Variants in BBX observed in about 807,000 individuals in gnomAD.
The protein encoded by BBX is HMG box transcription factor BBX.
In BBX, 30 loss-of-function variants were observed where a neutral mutation model predicts 100.2. The ratio of observed to expected loss-of-function variants is 0.30; its 90% CI spans 0.22 to 0.41. The LOEUF (loss-of-function observed/expected upper bound fraction) is 0.41, where lower values mean the gene tolerates loss of function less well. BBX is among the 10% of genes least tolerant of loss of function. The pLI is 1.00. For synonymous variants in BBX, 376 were observed against 388.1 expected, an observed-to-expected ratio of 0.97 and a Z score of 0.37; for missense variants, 1,023 against 1,129.8, an observed-to-expected ratio of 0.91 and a Z score of 1.35.
At chr3:107,593,653 T>A (rs2053487249) in intron 2 of BBX, among the ~76,000 whole-genome samples, 1 of 152,272 alleles carries the variant, frequency 6.6e-6, no homozygotes. Context: ...AGTCATCTGC[T>A]CTCTAAGTGG....
chr3:107,690,890 C>CG (rs2060121337), intron 3 of BBX, among the ~76,000 whole-genome samples: 15 of 80,972 alleles, frequency 1.9e-4, no homozygotes, highest in Non-Finnish European at 3.0e-4. Flanking sequence ...ATGCCCCCCC[C>CG]CCTTTTTTTT....
chr3:107,696,580 T>C (rs946498519), intron 3 of BBX, among the ~76,000 whole-genome samples: 3 of 151,928 alleles, frequency 2.0e-5, no homozygotes, highest in Non-Finnish European at 2.9e-5. Flanking sequence ...GTTAGTCTGA[T>C]AGGCTTCCCT....
chr3:107,743,340 G>A (rs1214605971), intron 7 of BBX, among the ~76,000 whole-genome samples: 1 of 152,002 alleles, frequency 6.6e-6, no homozygotes, highest in Non-Finnish European at 1.5e-5. Flanking sequence ...AATTTTTTGT[G>A]GCTACGAATT....
intron 3 of BBX, among the ~76,000 whole-genome samples, chr3:107,684,143 G>T (rs1019750699): frequency 2.6e-5 from 4 of 152,082 alleles, no homozygotes; most frequent in Non-Finnish European, 4.4e-5. Context: ...ACCTATTGCA[G>T]GTAAGAAACT....
chr3:107,798,521 A>G lies in BBX; in HGVS notation c.2354-2A>G. 1 of 1,613,092 alleles carries G rather than the reference A, an allele frequency of 6.2e-7. No homozygotes were observed. The highest frequency in any genetic ancestry group is 8.5e-7 in the Non-Finnish European group (1 of 1,179,138). On this transcript the variant is annotated splice_acceptor_variant, in intron 15 of 17. Coordinates refer to ENST00000325805, the MANE Select transcript of BBX (RefSeq NM_001142568.3). LOFTEE classifies it high-confidence loss of function. ...AACTATGCATGGTATTTCCTATTTC[A>G]GCCATATTTTCAGAAGACAGAAACA...
Position 107,791,280 on chromosome 3 carries a change from T to G in BBX, c.2334T>G (p.Asp778Glu), listed in dbSNP as rs746022455. 1.9e-6 allele frequency: 3 copies of G among 1,613,298 alleles called. No individual in the cohort carries two copies. Among genetic ancestry groups the G allele is most frequent in the Non-Finnish European group, 2.5e-6 (3 of 1,179,534 alleles). The change falls in exon 15 of 18, where the codon GAT becomes GAG. Residue 778 changes from aspartate (D) to glutamate (E), a missense_variant. Physicochemically the swap from Asp to Glu is conservative, Grantham distance 45 (BLOSUM62 2). Coordinates refer to ENST00000325805, the MANE Select transcript of BBX (RefSeq NM_001142568.3). ...GGTCAAACAAGCAACTCTTCTTGGATGCCATTCACCCTACAGAAGGTAAGA... is the reference window on the plus strand; with the variant it reads ...GGTCAAACAAGCAACTCTTCTTGGAGGCCATTCACCCTACAGAAGGTAAGA... Reference protein sequence around the residue: ...DKWSNKQLFLDAIHPTEAIFS... With the variant: ...DKWSNKQLFLEAIHPTEAIFS...
intron 2 of BBX, among the ~76,000 whole-genome samples, chr3:107,635,807 G>A (rs1358739662): frequency 6.6e-6 from 1 of 151,664 alleles, no homozygotes; most frequent in Admixed American, 6.6e-5. Flanking sequence ...CCGCCTCCTG[G>A]TTCAAGCGAT....
chr3:107,754,322 G>A (rs1191870091), intron 9 of BBX, among the ~76,000 whole-genome samples: 1 of 152,160 alleles, frequency 6.6e-6, no homozygotes, highest in African/African-American at 2.4e-5. Flanking sequence ...AAAGGTAGAA[G>A]TAGCATTTAT....
intron 2 of BBX, among the ~76,000 whole-genome samples, chr3:107,546,574 T>C (rs1219068720): frequency 6.6e-6 from 1 of 152,190 alleles, no homozygotes; most frequent in African/African-American, 2.4e-5. Flanking sequence ...CAGAAACATG[T>C]AGCCTGTCGT....
At position 107,715,356 on chromosome 3, in the gene BBX, A is replaced by G. The variant is rs139744601; in HGVS notation, c.163-1251A>G. On this transcript the variant is annotated intron_variant, in intron 4 of 17. Coordinates refer to ENST00000325805, the MANE Select transcript of BBX (RefSeq NM_001142568.3). ...ACAGAACCTCCAGGGATTCCAATGC[A>G]TACTCAAGTTTAAGAATTAACCACT... is the stretch of plus-strand genomic sequence containing the variant. Among the ~76,000 whole-genome samples, 12 of 152,328 alleles carry G rather than the reference A, an allele frequency of 7.9e-5. No individual in the cohort carries two copies. In the East Asian group the frequency reaches 2.3e-3, roughly 29 times the overall value.
intron 2 of BBX, among the ~76,000 whole-genome samples, chr3:107,617,096 T>C (rs1336043946): frequency 6.6e-6 from 1 of 152,162 alleles, no homozygotes; most frequent in East Asian, 1.9e-4. Flanking sequence ...AAAGTTCCTT[T>C]TTTTGCCTGT....
At chr3:107,665,097 A>G (rs1576243235) in intron 3 of BBX, among the ~76,000 whole-genome samples, 1 of 152,178 alleles carries the variant, frequency 6.6e-6, no homozygotes, top group Non-Finnish European at 1.5e-5. Flanking sequence ...TGCTGCCACT[A>G]CTACATGTAT....
At chr3:107,551,059 A>T (rs935558645) in intron 2 of BBX, among the ~76,000 whole-genome samples, 1 of 152,210 alleles carries the variant, frequency 6.6e-6, no homozygotes, top group Non-Finnish European at 1.5e-5. Flanking sequence ...AGGAGCTCTT[A>T]TAAAACATTA....
At chr3:107,743,825 A>C (rs2064316741) in intron 7 of BBX, among the ~76,000 whole-genome samples, 1 of 151,974 alleles carries the variant, frequency 6.6e-6, no homozygotes, top group Non-Finnish European at 1.5e-5. Flanking sequence ...TTTTTGTTAA[A>C]AAATTACACA....
chr3:107,778,551 G>A, intron 13 of BBX, 32 bp downstream of exon 13: 1 of 1,605,244 alleles, frequency 6.2e-7, no homozygotes, highest in East Asian at 2.2e-5. Flanking sequence ...CCTGCCATGT[G>A]GTCAGAATCT....
chr3:107,779,003 A>ATATATATATATATATATG (rs2067574750), intron 13 of BBX, among the ~76,000 whole-genome samples: 1 of 70,236 alleles, frequency 1.4e-5, no homozygotes, highest in African/African-American at 4.4e-5. Flanking sequence ...ACATATATAT[A>ATATATATATATATATATG]TATATATATA....
chr3:107,799,678 C>T (rs78183429), intron 16 of BBX, among the ~76,000 whole-genome samples: 1 of 152,172 alleles, frequency 6.6e-6, no homozygotes, highest in Non-Finnish European at 1.5e-5. Flanking sequence ...TCCTATATAA[C>T]TGGTTTAGAC....
At chr3:107,797,337 A>AATATATATGTATATATAT (rs2069793689) in intron 15 of BBX, among the ~76,000 whole-genome samples, 1 of 39,326 alleles carries the variant, frequency 2.5e-5, no homozygotes, top group Non-Finnish European at 5.4e-5. Context: ...TTTTCTTCCA[A>AATATATATGTATATATAT]ATATATATAT....
In BBX at chr3:107,806,136, G is replaced by C. The variant is rs2071057363; in HGVS notation, c.*679G>C. 6.6e-6 allele frequency: 1 copy of C among 151,408 alleles called. No individual in the cohort carries two copies. Among genetic ancestry groups the C allele is most frequent in the Admixed American group, 6.6e-5 (1 of 15,226 alleles). The allele number at this position is 151,408 out of a possible 1,614,324, so 9.4% of individuals were successfully genotyped here. On this transcript the variant is annotated 3_prime_UTR_variant, in exon 18 of 18. Coordinates refer to ENST00000325805, the MANE Select transcript of BBX (RefSeq NM_001142568.3). Reference sequence around the variant, plus strand: ...CTGGCAAAAAAAAAAAAAAAAGAGAGAGAGAAAAAATTACAACTCTTACAA... The same window carrying C: ...CTGGCAAAAAAAAAAAAAAAAGAGACAGAGAAAAAATTACAACTCTTACAA...
Sources: gnomAD v4.1 joint callset for allele counts (sites outside exome capture counted in the v4.1 genomes callset) on GRCh38, gnomAD v4.1.1 for gene constraint, MANE v1.5 for transcripts, NCBI Gene and HGNC (gene_info 2026-07-23, HGNC 2026-07-21) for gene names.